Variants in ABLIM1 observed in about 807,000 individuals in gnomAD.
The protein encoded by ABLIM1 is actin-binding LIM protein 1.
ABLIM1 carries 40 observed loss-of-function variants against 107.0 expected under a neutral mutation model. That is an observed-to-expected ratio of 0.37 (90% CI 0.29 to 0.49). The LOEUF (loss-of-function observed/expected upper bound fraction) is 0.49. ABLIM1 is among the 20% of genes least tolerant of loss of function. The probability of loss-of-function intolerance (pLI) is 0.97; values close to 1 mark genes in which losing one functional copy is unlikely to be tolerated. For missense variants in ABLIM1, 857 were observed against 1,008.5 expected (o/e 0.85, Z 2.04); for synonymous variants, 357 against 357.3 (o/e 1.00, Z 0.01).
At chr10:114,686,242 C>G (rs1387716210), upstream of ABLIM1, among the ~76,000 whole-genome samples, 1 of 152,050 alleles carries the variant, frequency 6.6e-6, no homozygotes, top group Non-Finnish European at 1.5e-5. Flanking sequence ...GGTGTGGTGA[C>G]TCATGCCTGT....
the ABLIM1 span, among the ~76,000 whole-genome samples, chr10:114,775,027 T>C: frequency 6.6e-6 from 1 of 152,058 alleles, no homozygotes; most frequent in Non-Finnish European, 1.5e-5. Context: ...TGACTCACAT[T>C]TTGGATGACT....
intron 1 of ABLIM1, among the ~76,000 whole-genome samples, chr10:114,654,365 T>C (rs1050301597): frequency 1.3e-5 from 2 of 152,258 alleles, no homozygotes; most frequent in African/African-American, 4.8e-5. Context: ...GCTGACTATA[T>C]TGCAATTCTA....
chr10:114,632,918 C>T (rs1191641216), intron 1 of ABLIM1, among the ~76,000 whole-genome samples: 2 of 152,178 alleles, frequency 1.3e-5, no homozygotes, highest in African/African-American at 2.4e-5. Context: ...TTCTGACCCA[C>T]AGGGTCACGG....
chr10:114,501,307 C>T (rs1343981144), intron 6 of ABLIM1, among the ~76,000 whole-genome samples: 1 of 152,150 alleles, frequency 6.6e-6, no homozygotes, highest in Admixed American at 6.5e-5. Context: ...CAGGTCTGTC[C>T]AACTCTAGAG....
intron 14 of ABLIM1, among the ~76,000 whole-genome samples, chr10:114,448,809 T>C (rs1327822484): frequency 6.6e-6 from 1 of 152,074 alleles, no homozygotes; most frequent in African/African-American, 2.4e-5. Flanking sequence ...AGACAGGGTT[T>C]CTCCTGGCCA....
chr10:114,521,353 A>T (rs1343037297), intron 6 of ABLIM1, among the ~76,000 whole-genome samples: 1 of 152,256 alleles, frequency 6.6e-6, no homozygotes, highest in Non-Finnish European at 1.5e-5. Flanking sequence ...TACTCAAGCC[A>T]TAGAGTTGAT....
At chr10:114,577,721 G>T (rs972984300) in intron 2 of ABLIM1, among the ~76,000 whole-genome samples, 4 of 152,084 alleles carry the variant, frequency 2.6e-5, no homozygotes, top group Non-Finnish European at 5.9e-5. Flanking sequence ...TTCAAACTGT[G>T]CCTTATTATG....
intron 1 of ABLIM1, among the ~76,000 whole-genome samples, chr10:114,721,690 CCTTGAACTCCTGGT>C (rs1313744338): frequency 2.0e-5 from 3 of 151,910 alleles, no homozygotes; most frequent in Admixed American, 2.0e-4. Flanking sequence ...CCATGTTGGC[CCTTGAACTCCTGGT>C]CTTGAACTCC....
chr10:114,674,981 G>A (rs1401542823), intron 1 of ABLIM1, among the ~76,000 whole-genome samples: 2 of 151,850 alleles, frequency 1.3e-5, no homozygotes, highest in South Asian at 2.1e-4. Flanking sequence ...ATGAGCACAC[G>A]GCTCTTTCCA....
intron 7 of ABLIM1, among the ~76,000 whole-genome samples, chr10:114,491,345 G>A (rs1193055992): frequency 1.3e-5 from 2 of 152,060 alleles, no homozygotes; most frequent in Non-Finnish European, 2.9e-5. Context: ...GAGAACAGCA[G>A]CCTGGGAGGC....
intron 1 of ABLIM1, among the ~76,000 whole-genome samples, chr10:114,753,649 G>A (rs1158528433): frequency 6.6e-6 from 1 of 152,100 alleles, no homozygotes; most frequent in Non-Finnish European, 1.5e-5. Flanking sequence ...TAGTTAAATG[G>A]ATTCATTTTC....
chr10:114,447,833 C>G, intron 15 of ABLIM1, 47 bp downstream of exon 15: 1 of 1,598,344 alleles, frequency 6.3e-7, no homozygotes, highest in Non-Finnish European at 8.6e-7. Flanking sequence ...TCATCTTGAG[C>G]TCTCCTAGCA....
intron 4 of ABLIM1, among the ~76,000 whole-genome samples, chr10:114,559,725 T>C (rs1176969772): frequency 6.6e-6 from 1 of 152,236 alleles, no homozygotes; most frequent in East Asian, 1.9e-4. Context: ...ACTTTGTATC[T>C]TTTTGCAGGG....
intron 13 of ABLIM1, among the ~76,000 whole-genome samples, chr10:114,452,916 C>T (rs143104821): frequency 7.1e-4 from 108 of 152,322 alleles, no homozygotes; most frequent in African/African-American, 2.5e-3. Flanking sequence ...TTCTACATCT[C>T]TCTGAAAAGT....
intron 20 of ABLIM1, chr10:114,439,865 C>T (rs537879126): frequency 4.4e-6 from 3 of 685,986 alleles, no homozygotes; most frequent in East Asian, 5.6e-5. Context: ...CCCCCTACAC[C>T]TGGCCTGGTT....
intron 6 of ABLIM1, among the ~76,000 whole-genome samples, chr10:114,529,341 T>C (rs1565842002): frequency 6.6e-6 from 1 of 152,058 alleles, no homozygotes; most frequent in African/African-American, 2.4e-5. Context: ...GCCAGGATGG[T>C]CTCGATCTCT....
At chr10:114,714,156 T>C (rs1416367756) in intron 1 of ABLIM1, among the ~76,000 whole-genome samples, 1 of 152,254 alleles carries the variant, frequency 6.6e-6, no homozygotes, top group Admixed American at 6.5e-5. Context: ...GAATGCCTTC[T>C]CTTCCTGTTT....
At chr10:114,689,970 TAACTC>T (rs1310864970), upstream of ABLIM1, among the ~76,000 whole-genome samples, 2 of 152,150 alleles carry the variant, frequency 1.3e-5, no homozygotes, top group African/African-American at 2.4e-5. Context: ...ATCATAAACT[TAACTC>T]AACTCTTCAA....
chr10:114,703,047 G>C, intron 1 of ABLIM1, among the ~76,000 whole-genome samples: 1 of 152,076 alleles, frequency 6.6e-6, no homozygotes. Context: ...CAGACATTTG[G>C]AAACCTCTTA....
Sources: allele counts gnomAD v4.1 joint callset (sites outside exome capture counted in the v4.1 genomes callset), GRCh38; gene constraint gnomAD v4.1.1; transcripts MANE v1.5; gene names NCBI Gene and HGNC (gene_info 2026-07-23, HGNC 2026-07-21).